AHCY: variants seen among roughly 807,000 people sequenced by gnomAD.
The protein encoded by AHCY is adenosylhomocysteinase, also known as S-adenosyl-L-homocysteine hydrolase.
A neutral mutation model predicts 45.4 loss-of-function variants in AHCY; 24 were observed. The observed-to-expected ratio is 0.53, with a 90% CI of 0.38 to 0.74. The LOEUF (loss-of-function observed/expected upper bound fraction) is 0.74. Ranked by LOEUF, AHCY falls within the 30% of genes least tolerant of loss-of-function variation. AHCY has a pLI of 0.00. For missense variants in AHCY, 449 were observed against 594.1 expected (o/e 0.76, Z 2.54); for synonymous variants, 245 against 235.1 (o/e 1.04, Z -0.39).
At chr20:34,306,380 T>A (rs879629946), upstream of AHCY, among the ~76,000 whole-genome samples, 178 of 152,042 alleles carry the variant, frequency 1.2e-3, no homozygotes, top group Non-Finnish European at 1.9e-3. Context: ...CTTTTTTTTT[T>A]TTTTTGAGAA....
chr20:34,289,818 A>G (rs888271420), intron 8 of AHCY, among the ~76,000 whole-genome samples: 2 of 151,800 alleles, frequency 1.3e-5, no homozygotes, highest in Non-Finnish European at 2.9e-5. Context: ...CGGGGTTTCA[A>G]CCATGTTGGC....
chr20:34,242,957 A>G, the AHCY span, among the ~76,000 whole-genome samples: 1 of 152,284 alleles, frequency 6.6e-6, no homozygotes, highest in Non-Finnish European at 1.5e-5. Context: ...AAACCAATAT[A>G]GTACCCACTA....
chr20:34,277,977 G>GA (rs901723245), downstream of AHCY, among the ~76,000 whole-genome samples: 4 of 152,026 alleles, frequency 2.6e-5, no homozygotes, highest in African/African-American at 2.4e-5. Context: ...CTCTTTCCTG[G>GA]AAAAAATCCA....
chr20:34,234,563 G>A, the AHCY span, among the ~76,000 whole-genome samples: 1 of 150,792 alleles, frequency 6.6e-6, no homozygotes, highest in African/African-American at 2.4e-5. Context: ...TGTTGCCCAA[G>A]TGTATATGAC....
chr20:34,292,609 C>T (rs543767901), intron 3 of AHCY, 102 bp from the exon 4 acceptor site: 1 of 1,523,792 alleles, frequency 6.6e-7, no homozygotes, highest in African/African-American at 1.4e-5. Context: ...CAACTCCCAT[C>T]CCCAGCCACC....
At chr20:34,298,608 GA>G (rs200445418) in intron 1 of AHCY, among the ~76,000 whole-genome samples, 4,770 of 121,746 alleles carry the variant, frequency 0.039, 445 homozygotes, top group African/African-American at 0.074. Context: ...GCGGCGGCGG[GA>G]GGGGGGGGGG....
intron 1 of AHCY, among the ~76,000 whole-genome samples, chr20:34,310,877 G>A (rs1019704210): frequency 2.0e-5 from 3 of 152,036 alleles, no homozygotes; most frequent in Admixed American, 1.3e-4. Context: ...TGTAATCCCA[G>A]CACTTTGGAA....
chr20:34,258,143 TA>T, the AHCY span, among the ~76,000 whole-genome samples: 66 of 143,640 alleles, frequency 4.6e-4, no homozygotes, highest in Admixed American at 3.5e-4. Flanking sequence ...GATTCCATCT[TA>T]AAAAAAAAAA....
the AHCY span, among the ~76,000 whole-genome samples, chr20:34,256,661 A>C: frequency 6.6e-6 from 1 of 152,134 alleles, no homozygotes; most frequent in Non-Finnish European, 1.5e-5. Flanking sequence ...TTCCCATTAC[A>C]GTTTTTGGCC....
chr20:34,284,925 C>A (rs969118412), intron 9 of AHCY, among the ~76,000 whole-genome samples: 5 of 152,110 alleles, frequency 3.3e-5, no homozygotes, highest in African/African-American at 1.2e-4. Flanking sequence ...AGGTTAGAAG[C>A]CCTGGTCAGA....
chr20:34,296,897 A>G (rs2036593019), intron 1 of AHCY, among the ~76,000 whole-genome samples: 1 of 152,134 alleles, frequency 6.6e-6, no homozygotes, highest in Non-Finnish European at 1.5e-5. Flanking sequence ...GCATTTTAAC[A>G]ATTTCAGAGA....
At chr20:34,245,140 C>A in the AHCY span, among the ~76,000 whole-genome samples, 1 of 151,656 alleles carries the variant, frequency 6.6e-6, no homozygotes, top group Non-Finnish European at 1.5e-5. Context: ...TCGAGACCAG[C>A]CTGGCAAACA....
At chr20:34,269,248 G>A in the AHCY span, 1 of 1,410,002 alleles carries the variant, frequency 7.1e-7, no homozygotes. Context: ...TAACAGGGCG[G>A]CTTCCCAGGG....
the AHCY span, among the ~76,000 whole-genome samples, chr20:34,268,167 G>A: frequency 2.6e-5 from 4 of 152,062 alleles, no homozygotes; most frequent in South Asian, 2.1e-4. Context: ...CACATTTCAC[G>A]TACTCAGTAG....
the AHCY span, chr20:34,246,425 G>A: frequency 7.4e-7 from 1 of 1,346,148 alleles, no homozygotes; most frequent in Non-Finnish European, 1.1e-6. Context: ...GTACTCTGTT[G>A]GTAATGAACA....
At chr20:34,291,627 G>A (rs894483138) in intron 4 of AHCY, 96 bp from the exon 5 acceptor site, 3 of 1,161,588 alleles carry the variant, frequency 2.6e-6, no homozygotes, top group Admixed American at 1.9e-5. Flanking sequence ...CTCTTTCTGG[G>A]TTCCCATCTC....
chr20:34,290,538 A>G lies in AHCY; in HGVS notation c.854+13T>C, dbSNP rs779235394. Reference sequence around the variant, plus strand: ...CCTCCCTCACTCCCCGGGACCCCCCATCTGGCACCTACCGGCCAAGGATGA... The same window carrying G: ...CCTCCCTCACTCCCCGGGACCCCCCGTCTGGCACCTACCGGCCAAGGATGA... On this transcript the variant is annotated intron_variant, in intron 7 of 9. Coordinates refer to ENST00000217426, the MANE Select transcript of AHCY (RefSeq NM_000687.4). This position sits in a 1 kb window ranked among gnomAD's most constrained non-coding sequence, Gnocchi z 4.5. 3 of 1,613,956 alleles carry G rather than the reference A, an allele frequency of 1.9e-6. No homozygotes were observed. In the East Asian group the frequency reaches 6.7e-5, roughly 36 times the overall value.
At chr20:34,258,690 T>TAC in the AHCY span, among the ~76,000 whole-genome samples, 2 of 72,326 alleles carry the variant, frequency 2.8e-5, 1 homozygote, top group African/African-American at 1.5e-4. Context: ...TATATATATA[T>TAC]ACATACTATA....
chr20:34,252,868 A>G, the AHCY span, among the ~76,000 whole-genome samples: 2 of 152,194 alleles, frequency 1.3e-5, no homozygotes, highest in Non-Finnish European at 2.9e-5. Flanking sequence ...GAGAATGGCG[A>G]TGACTTTTAC....
Sources: gnomAD v4.1 joint callset for allele counts (sites outside exome capture counted in the v4.1 genomes callset) on GRCh38, gnomAD v4.1.1 for gene constraint, Gnocchi (gnomAD v3.1) non-coding constraint, MANE v1.5 for transcripts, NCBI Gene and HGNC (gene_info 2026-07-23, HGNC 2026-07-21) for gene names.